Variants in MON1A observed in about 807,000 individuals in gnomAD.
MON1A encodes vacuolar fusion protein MON1 homolog A.
A neutral mutation model predicts 44.6 loss-of-function variants in MON1A; 29 were observed. The observed-to-expected ratio is 0.65, with a 90% confidence interval of 0.48 to 0.89. The LOEUF (loss-of-function observed/expected upper bound fraction) is 0.89, where lower values mean the gene tolerates loss of function less well. Among genes scored for constraint, MON1A ranks in the 40% least tolerant of loss-of-function variants. The pLI, the probability that MON1A is intolerant of heterozygous loss-of-function variation, is 0.00. For missense variants in MON1A, 615 were observed against 759.6 expected (o/e 0.81, Z 2.24); for synonymous variants, 275 against 316.4 (o/e 0.87, Z 1.39).
chr3:49,909,994 A>G lies in MON1A; in HGVS notation c.1379+125T>C, dbSNP rs1380103573. On this transcript the variant is annotated intron_variant, in intron 4 of 5. Coordinates refer to ENST00000296473, the MANE Select transcript of MON1A (RefSeq NM_032355.4). The surrounding 1 kb of genome is among the most constrained non-coding windows in gnomAD (Gnocchi z 4.0). ...GGTGCCAGAGTAAAACAGGCCCAGC[A>G]CACTGGTCTGCTTCCAAAGGTAGGG... The G allele has an allele frequency of 7.3e-6, 8 of 1,101,340 alleles. No individual in the cohort carries two copies. The highest frequency in any genetic ancestry group is 2.4e-5 in the East Asian group (1 of 42,122). The allele number at this position is 1,101,340 out of a possible 1,614,324, so 68.2% of individuals were successfully genotyped here. A position where few individuals can be genotyped will look rare whatever the true frequency, so the allele number is the denominator to read the frequency against.
In MON1A at chr3:49,910,328, G is replaced by A. The variant is rs2082859839; in HGVS notation, c.1170C>T (p.Asp390=). 1 of 1,614,216 alleles carries A rather than the reference G, an allele frequency of 6.2e-7. No individual in the cohort carries two copies. Among genetic ancestry groups the A allele is most frequent in the Non-Finnish European group, 8.5e-7 (1 of 1,180,036 alleles). ...CAGTGGAGACAAGCAGCAGGCAGAG[G>A]TCAGTGTCAGGCTCTAGGTAAGAGA... ...AHISYLEPDT[D]LCLLLVSTDR... is the part of the protein sequence containing the mutation. Residue 390 remains aspartate, a synonymous_variant, in exon 4 of 6, where the codon GAC becomes GAT. Coordinates refer to ENST00000296473, the MANE Select transcript of MON1A (RefSeq NM_032355.4). This position sits in a 1 kb window ranked among gnomAD's most constrained non-coding sequence, Gnocchi z 8.0.
chr3:49,922,484 GAGGA>G (rs747166496), intron 1 of MON1A, among the ~76,000 whole-genome samples: 11 of 137,258 alleles, frequency 8.0e-5, no homozygotes, highest in African/African-American at 1.3e-4. Context: ...TCTGTAAAGG[GAGGA>G]AGGAAGGAAG....
Position 49,912,049 on chromosome 3 carries a change from A to C in MON1A, c.128-38T>G, listed in dbSNP as rs1244465324. 5 of 1,529,364 alleles carry C rather than the reference A, an allele frequency of 3.3e-6. No homozygotes were observed. The Admixed American group carries it at 6.2e-5, about 19-fold the overall frequency. 94.7% of individuals were successfully genotyped at this position (1,529,364 alleles called of 1,614,324 possible). ...AGCACTGGTGCTTAGAGGGGTAGCT[A>C]GTGGCAGACACTCCTACCAGCAAGG... On this transcript the variant is annotated intron_variant, in intron 2 of 5. Transcript: ENST00000296473.
intron 1 of MON1A, among the ~76,000 whole-genome samples, chr3:49,922,415 C>G (rs1370959760): frequency 6.6e-6 from 1 of 151,810 alleles, no homozygotes; most frequent in East Asian, 1.9e-4. Context: ...CAGCTTGAAC[C>G]CAGGAGGCGG....
intron 1 of MON1A, among the ~76,000 whole-genome samples, chr3:49,917,542 C>G (rs2082955973): frequency 6.6e-6 from 1 of 151,754 alleles, no homozygotes; most frequent in African/African-American, 2.4e-5. Context: ...CCCGCCTCAG[C>G]CTCCCAAAGT....
intron 1 of MON1A, chr3:49,920,690 T>A (rs894033771): frequency 6.6e-6 from 1 of 151,792 alleles, no homozygotes; most frequent in Non-Finnish European, 1.5e-5. Context: ...ATATGAAAAT[T>A]AGCTGGGTGT....
At position 49,911,245 on chromosome 3, in the gene MON1A, G is replaced by GATAGATAGATAGATAGATAGATAGATAA. The variant is rs1559492025; in HGVS notation, c.613+280_613+281insTTATCTATCTATCTATCTATCTATCTAT. On this transcript the variant is annotated intron_variant, in intron 3 of 5. Transcript: ENST00000296473. The surrounding 1 kb of genome is among the most constrained non-coding windows in gnomAD (Gnocchi z 5.7). ...AGATAGATAGATAGATAGATAGATA[G>GATAGATAGATAGATAGATAGATAGATAA]AGTTTGTTGTTGTTGTTGTTGTTGC... Among the ~76,000 whole-genome samples the GATAGATAGATAGATAGATAGATAGATAA allele has an allele frequency of 1.3e-5, 1 of 78,280 alleles. No homozygotes were observed. Among genetic ancestry groups the GATAGATAGATAGATAGATAGATAGATAA allele is most frequent in the Admixed American group, 1.1e-4 (1 of 9,006 alleles). The allele number at this position is 78,280 out of a possible 152,430, so 51.4% of individuals were successfully genotyped here.
Position 49,913,316 on chromosome 3 carries a change from T to G in MON1A, c.31A>C (p.Ser11Arg). 6.2e-7 allele frequency: 1 copy of G among 1,613,686 alleles called. No individual in the cohort carries two copies. Among genetic ancestry groups the G allele is most frequent in the Non-Finnish European group, 8.5e-7 (1 of 1,179,602 alleles). MATDMQRKRS[S>R]ECLDGTLTPS... ...GTCAATGTGCCATCAAGGCATTCGCTGCTTCTCTTCCTCTGCATGTCAGTA... is the reference window on the plus strand; with the variant it reads ...GTCAATGTGCCATCAAGGCATTCGCGGCTTCTCTTCCTCTGCATGTCAGTA... Residue 11 changes from serine to arginine, a missense_variant, in exon 2 of 6, where the codon AGC becomes CGC. Transcript: ENST00000296473.
rs762606386 is a variant in MON1A, at chr3:49,913,379, A to C, written c.-13-20T>G. ...GCTCTCCTGTGGGGCAAACAAATGCAACATCGATGGCTTTTGGCAGGGTCA... is the reference window on the plus strand; with the variant it reads ...GCTCTCCTGTGGGGCAAACAAATGCCACATCGATGGCTTTTGGCAGGGTCA... On this transcript the variant is annotated intron_variant, in intron 1 of 5. Coordinates refer to ENST00000296473, the MANE Select transcript of MON1A (RefSeq NM_032355.4). 6.3e-6 allele frequency: 10 copies of C among 1,596,944 alleles called. No individual in the cohort carries two copies. The highest frequency in any genetic ancestry group is 8.6e-6 in the Non-Finnish European group (10 of 1,167,330).
intron 1 of MON1A, chr3:49,924,096 A>AC (rs1319183508): frequency 6.6e-6 from 1 of 151,708 alleles, no homozygotes; most frequent in East Asian, 1.9e-4. Flanking sequence ...GAAAAAAAAA[A>AC]AACAAAAAAC....
chr3:49,929,137 G>A (rs1215266641), intron 1 of MON1A, among the ~76,000 whole-genome samples: 1 of 152,180 alleles, frequency 6.6e-6, no homozygotes, highest in Admixed American at 6.5e-5. Flanking sequence ...CAGGAGAATC[G>A]CTTGAACCTG....
chr3:49,911,026 T>C lies in MON1A; in HGVS notation c.614-142A>G, dbSNP rs146845449. 3 of 822,930 alleles carry C rather than the reference T, an allele frequency of 3.6e-6. No individual in the cohort carries two copies. In the East Asian group the frequency reaches 8.1e-5, roughly 22 times the overall value. The allele number at this position is 822,930 out of a possible 1,614,324, so 51.0% of individuals were successfully genotyped here. On this transcript the variant is annotated intron_variant, in intron 3 of 5. Coordinates refer to ENST00000296473, the MANE Select transcript of MON1A (RefSeq NM_032355.4). This position sits in a 1 kb window ranked among gnomAD's most constrained non-coding sequence, Gnocchi z 5.7. ...AGTAGGGGTTTAAGGATGTTCAGGA[T>C]AAAAACCCATTGCTCCTTCTCCCTG...
rs1358355545 is a variant in MON1A at position 49,911,171 on chromosome 3, G to A, written c.614-287C>T. On this transcript the variant is annotated intron_variant, in intron 3 of 5. Coordinates refer to ENST00000296473, the MANE Select transcript of MON1A (RefSeq NM_032355.4). The surrounding 1 kb of genome is among the most constrained non-coding windows in gnomAD (Gnocchi z 5.7). Reference sequence around the variant, plus strand: ...CAAGGGCTGGCTGGGTGGAGCTCAGGACCTGGGAGATAGATAGATTAGATA... The same window carrying A: ...CAAGGGCTGGCTGGGTGGAGCTCAGAACCTGGGAGATAGATAGATTAGATA... Among the ~76,000 whole-genome samples, 2 of 89,594 alleles carry A rather than the reference G, an allele frequency of 2.2e-5. No homozygotes were observed. The highest frequency in any genetic ancestry group is 5.1e-5 in the Non-Finnish European group (2 of 39,420). The allele number at this position is 89,594 out of a possible 152,430, so 58.8% of individuals were successfully genotyped here.
chr3:49,910,388 G>A lies in MON1A; in HGVS notation c.1110C>T (p.Pro370=), dbSNP rs746496174. Residue 370 remains proline, a synonymous_variant, in exon 4 of 6, where the codon CCC becomes CCT. Coordinates refer to ENST00000296473, the MANE Select transcript of MON1A (RefSeq NM_032355.4). The surrounding 1 kb of genome is among the most constrained non-coding windows in gnomAD (Gnocchi z 8.0). Reference sequence around the variant, plus strand: ...GGAAGAAGCCGGCTGCGTTGAATTTGGGCAGGCACACGGGCGTCCAGGCCT... The same window carrying A: ...GGAAGAAGCCGGCTGCGTTGAATTTAGGCAGGCACACGGGCGTCCAGGCCT... ...EGEAWTPVCL[P]KFNAAGFFHA... 6.2e-7 allele frequency: 1 copy of A among 1,614,218 alleles called. No homozygotes were observed. Among genetic ancestry groups the A allele is most frequent in the Non-Finnish European group, 8.5e-7 (1 of 1,180,034 alleles).
Position 49,929,527 on chromosome 3 carries a change from G to A in MON1A, c.-14+82C>T, listed in dbSNP as rs879648199. On this transcript the variant is annotated intron_variant, in intron 1 of 5. Coordinates refer to ENST00000296473, the MANE Select transcript of MON1A (RefSeq NM_032355.4). ...ATAGCGTTGATGGCTGGAGGCCCCC[G>A]TCTTCAAGCCCCTCCCTCCAAAGAT... 5.4e-6 allele frequency: 8 copies of A among 1,487,970 alleles called. No homozygotes were observed. In the Admixed American group the frequency reaches 1.0e-4, roughly 19 times the overall value. 92.2% of individuals were successfully genotyped at this position (1,487,970 alleles called of 1,614,324 possible).
intron 1 of MON1A, among the ~76,000 whole-genome samples, chr3:49,917,492 G>A (rs1412574335): frequency 1.3e-5 from 2 of 151,356 alleles, no homozygotes; most frequent in African/African-American, 4.8e-5. Flanking sequence ...GTTTCACTGT[G>A]TTAGCCAGGA....
intron 1 of MON1A, among the ~76,000 whole-genome samples, chr3:49,919,933 G>A (rs1036454557): frequency 6.6e-6 from 1 of 152,158 alleles, no homozygotes; most frequent in African/African-American, 2.4e-5. Context: ...ACCTGGCAAG[G>A]GAAGACAGAG....
At position 49,911,541 on chromosome 3, in the gene MON1A, G is replaced by T; in HGVS notation, c.598C>A (p.Arg200Ser). 6.2e-7 allele frequency: 1 copy of T among 1,611,358 alleles called. No individual in the cohort carries two copies. The highest frequency in any genetic ancestry group is 8.5e-7 in the Non-Finnish European group (1 of 1,178,276). The change falls in exon 3 of 6, where the codon CGC becomes AGC. Residue 200 changes from arginine to serine, a missense_variant. Physicochemically the swap from Arg to Ser is moderately radical, Grantham distance 110. Transcript: ENST00000296473. This position sits in a 1 kb window ranked among gnomAD's most constrained non-coding sequence, Gnocchi z 5.7. ...SFLEADKNAI[R>S]SIHADGYKVV... ...GGTGGCTCACCTGCATGGATGGAGC[G>T]GATGGCGTTCTTGTCTGCCTCCAGG...
rs1428485825 is a variant in MON1A, at chr3:49,910,509, A to G, written c.989T>C (p.Val330Ala). The change falls in exon 4 of 6, where the codon GTG becomes GCG. Residue 330 changes from valine (V) to alanine (A), a missense_variant. Val to Ala is a moderately conservative substitution (Grantham distance 64, BLOSUM62 0). Transcript: ENST00000296473. This position sits in a 1 kb window ranked among gnomAD's most constrained non-coding sequence, Gnocchi z 8.0. ...TTGGTCCTTTCGGCGCACGAGTGCCACGAGCTGGTTGCGGGCCAGCAGGAT... is the reference window on the plus strand; with the variant it reads ...TTGGTCCTTTCGGCGCACGAGTGCCGCGAGCTGGTTGCGGGCCAGCAGGAT... The part of the protein sequence containing the change: ...FSILLARNQL[V>A]ALVRRKDQFL... 6.2e-7 allele frequency: 1 copy of G among 1,613,862 alleles called. No individual in the cohort carries two copies. The highest frequency in any genetic ancestry group is 8.5e-7 in the Non-Finnish European group (1 of 1,179,924).
Sources: gnomAD v4.1 joint callset for allele counts (sites outside exome capture counted in the v4.1 genomes callset) on GRCh38, gnomAD v4.1.1 for gene constraint, Gnocchi (gnomAD v3.1) non-coding constraint, MANE v1.5 for transcripts, NCBI Gene and HGNC (gene_info 2026-07-23, HGNC 2026-07-21) for gene names.